Variants in FGFR2 observed in about 807,000 individuals in gnomAD.
FGFR2 encodes fibroblast growth factor receptor 2.
A neutral mutation model predicts 95.9 loss-of-function variants in FGFR2; 19 were observed. The ratio of observed to expected loss-of-function variants is 0.20; its 90% CI spans 0.14 to 0.29. The LOEUF (loss-of-function observed/expected upper bound fraction) is 0.29, where lower values mean the gene tolerates loss of function less well. Ranked by LOEUF, FGFR2 falls within the 10% of genes least tolerant of loss-of-function variation. The pLI is 1.00. For missense variants in FGFR2, 707 were observed against 1,056.9 expected, an observed-to-expected ratio of 0.67 and a Z score of 4.59; for synonymous variants, 392 against 393.3, an observed-to-expected ratio of 1.00 and a Z score of 0.04.
intron 2 of FGFR2, among the ~76,000 whole-genome samples, chr10:121,570,193 G>A (rs1018381225): frequency 1.3e-5 from 2 of 152,360 alleles, no homozygotes; most frequent in Middle Eastern, 3.4e-3. Flanking sequence ...GTCCCTGCCC[G>A]TGTCCTTGGG....
intron 6 of FGFR2, among the ~76,000 whole-genome samples, chr10:121,529,002 C>T (rs948707300): frequency 6.6e-6 from 1 of 152,236 alleles, no homozygotes; most frequent in Admixed American, 6.5e-5. Context: ...TCTCAGCTCA[C>T]TGGAACCTCT....
chr10:121,487,982 T>C lies in FGFR2; in HGVS notation c.1986+9A>G. 6.2e-7 allele frequency: 1 copy of C among 1,614,080 alleles called. No individual in the cohort carries two copies. Among genetic ancestry groups the C allele is most frequent in the Non-Finnish European group, 8.5e-7 (1 of 1,179,960 alleles). ...GCCCCTGCCCACTGTGTTACTGCCA[T>C]CGACTTACATTGGTGGTCTTTTTGT... On this transcript the variant is annotated intron_variant, in intron 14 of 17. Transcript: ENST00000358487.
chr10:121,575,392 C>CA (rs1470794276), intron 2 of FGFR2, among the ~76,000 whole-genome samples: 6 of 152,000 alleles, frequency 3.9e-5, no homozygotes, highest in Admixed American at 3.3e-4. Flanking sequence ...CAGTGTTCTC[C>CA]AAAAAAAGAT....
intron 2 of FGFR2, among the ~76,000 whole-genome samples, chr10:121,578,978 C>T (rs987578428): frequency 1.3e-5 from 2 of 152,174 alleles, no homozygotes; most frequent in African/African-American, 4.8e-5. Flanking sequence ...TTCTTTATTT[C>T]CCACAGGTGA....
intron 17 of FGFR2, among the ~76,000 whole-genome samples, chr10:121,480,802 T>C (rs970477702): frequency 3.9e-5 from 6 of 152,106 alleles, no homozygotes; most frequent in African/African-American, 1.4e-4. Flanking sequence ...GTGCTGGTGC[T>C]GCAAAAAGCC....
At chr10:121,522,221 C>T (rs1290593371) in intron 6 of FGFR2, among the ~76,000 whole-genome samples, 1 of 152,156 alleles carries the variant, frequency 6.6e-6, no homozygotes, top group Non-Finnish European at 1.5e-5. Flanking sequence ...TGCACAGCAT[C>T]GTGCCTATAG....
chr10:121,514,512 C>A (rs540686999), intron 9 of FGFR2, among the ~76,000 whole-genome samples: 16 of 152,302 alleles, frequency 1.1e-4, no homozygotes, highest in African/African-American at 3.8e-4. Context: ...TCCACAGCCA[C>A]ACCTGTGAAC....
intron 9 of FGFR2, among the ~76,000 whole-genome samples, chr10:121,512,385 G>C (rs1564904334): frequency 6.6e-6 from 1 of 152,202 alleles, no homozygotes; most frequent in Non-Finnish European, 1.5e-5. Flanking sequence ...TGGACATGTA[G>C]AAGGAGCTGA....
At position 121,479,044 on chromosome 10, in the gene FGFR2, A is replaced by G. The variant is rs2133663944; in HGVS notation, c.*813T>C. 4.3e-6 allele frequency: 1 copy of G among 233,324 alleles called. No homozygotes were observed. Among genetic ancestry groups the G allele is most frequent in the East Asian group, 6.1e-5 (1 of 16,508 alleles). 14.5% of individuals were successfully genotyped at this position (233,324 alleles called of 1,614,324 possible). On this transcript the variant is annotated 3_prime_UTR_variant, in exon 18 of 18. Coordinates refer to ENST00000358487, the MANE Select transcript of FGFR2 (RefSeq NM_000141.5). ...CTAAGAACAATCGTCTGACAGCAGCATTTAAACACAAATAAATCAAAACTT... is the reference window on the plus strand; with the variant it reads ...CTAAGAACAATCGTCTGACAGCAGCGTTTAAACACAAATAAATCAAAACTT...
chr10:121,534,906 A>G (rs1213828917), intron 6 of FGFR2, among the ~76,000 whole-genome samples: 2 of 152,172 alleles, frequency 1.3e-5, no homozygotes, highest in East Asian at 3.9e-4. Flanking sequence ...GACCTTTGAG[A>G]AGGTACGTCC....
chr10:121,588,876 T>C (rs1004317463), intron 2 of FGFR2, among the ~76,000 whole-genome samples: 2 of 152,052 alleles, frequency 1.3e-5, no homozygotes, highest in Non-Finnish European at 2.9e-5. Context: ...ATTGCACCAT[T>C]GTACTCCAGC....
intron 5 of FGFR2, among the ~76,000 whole-genome samples, chr10:121,545,517 C>T (rs1477462215): frequency 2.0e-5 from 3 of 152,246 alleles, no homozygotes; most frequent in Admixed American, 6.5e-5. Context: ...TAAGTCACGA[C>T]GCAGGGGAGC....
intron 6 of FGFR2, among the ~76,000 whole-genome samples, chr10:121,533,701 G>A (rs1289072817): frequency 2.0e-5 from 3 of 152,262 alleles, no homozygotes; most frequent in East Asian, 1.9e-4. Flanking sequence ...CCTTAGAGTC[G>A]GGCTGTGGCA....
rs368462092 is a variant in FGFR2 at position 121,508,019 on chromosome 10, T to C, written c.1288-4078A>G. ...CATAGCATTTACAACGCGTTAGTTA[T>C]TACAGGTATCACTAGAAATGACTAA... On this transcript the variant is annotated intron_variant, in intron 9 of 17. Transcript: ENST00000358487. Among the ~76,000 whole-genome samples the C allele has an allele frequency of 1.6e-4, 24 of 152,356 alleles. No individual in the cohort carries two copies. In the South Asian group the frequency reaches 4.8e-3, roughly 30 times the overall value.
At chr10:121,525,262 G>A (rs568216198) in intron 6 of FGFR2, among the ~76,000 whole-genome samples, 1 of 152,284 alleles carries the variant, frequency 6.6e-6, no homozygotes, top group South Asian at 2.1e-4. Context: ...AAGAGTGATT[G>A]GAAGGTGGCT....
intron 13 of FGFR2, among the ~76,000 whole-genome samples, chr10:121,491,823 T>C (rs898128772): frequency 8.2e-5 from 12 of 146,598 alleles, no homozygotes; most frequent in Non-Finnish European, 1.0e-4. Flanking sequence ...TGAGCCGAGA[T>C]AGCGCCACTG....
intron 4 of FGFR2, among the ~76,000 whole-genome samples, chr10:121,563,008 G>A (rs547986710): frequency 1.5e-4 from 23 of 152,352 alleles, no homozygotes; most frequent in Middle Eastern, 3.4e-3. Flanking sequence ...AGGAGGCTGA[G>A]GCGGGTGGAT....
chr10:121,518,524 T>C lies in FGFR2; in HGVS notation c.940-1061A>G, dbSNP rs992677389. 6.6e-6 allele frequency among the ~76,000 whole-genome samples: 1 copy of C among 152,198 alleles called. No individual in the cohort carries two copies. The highest frequency in any genetic ancestry group is 1.5e-5 in the Non-Finnish European group (1 of 68,044). On this transcript the variant is annotated intron_variant, in intron 7 of 17. Coordinates refer to ENST00000358487, the MANE Select transcript of FGFR2 (RefSeq NM_000141.5). This position sits in a 1 kb window ranked among gnomAD's most constrained non-coding sequence, Gnocchi z 4.0. Reference sequence around the variant, plus strand: ...GGGCATTTTTCCATGGCTACTGGCATCATACCAGCTGCATCACCGAAGAAA... The same window carrying C: ...GGGCATTTTTCCATGGCTACTGGCACCATACCAGCTGCATCACCGAAGAAA...
rs2133667045 is a variant in FGFR2 at position 121,479,295 on chromosome 10, C to T, written c.*562G>A. 4.0e-6 allele frequency: 1 copy of T among 250,546 alleles called. No homozygotes were observed. The highest frequency in any genetic ancestry group is 1.8e-4 in the South Asian group (1 of 5,700). The allele number at this position is 250,546 out of a possible 1,614,324, so 15.5% of individuals were successfully genotyped here. The stretch of plus-strand genomic sequence containing the variant: ...TGAAAGCAAAAGTATTTTTCCACCT[C>T]TGCTCGGTGAAAATTAAGAAATTAT... On this transcript the variant is annotated 3_prime_UTR_variant, in exon 18 of 18. Coordinates refer to ENST00000358487, the MANE Select transcript of FGFR2 (RefSeq NM_000141.5).
Sources: allele counts gnomAD v4.1 joint callset (sites outside exome capture counted in the v4.1 genomes callset), GRCh38; gene constraint gnomAD v4.1.1; non-coding constraint Gnocchi (gnomAD v3.1); transcripts MANE v1.5; gene names NCBI Gene and HGNC (gene_info 2026-07-23, HGNC 2026-07-21).